ROBO2: variants seen among roughly 807,000 people sequenced by gnomAD.
ROBO2 encodes the protein roundabout guidance receptor 2.
A neutral mutation model predicts 160.8 loss-of-function variants in ROBO2; 53 were observed. The ratio of observed to expected loss-of-function variants is 0.33; its 90% CI spans 0.26 to 0.41. The LOEUF (loss-of-function observed/expected upper bound fraction) is 0.41. Among genes scored for constraint, ROBO2 ranks in the 10% least tolerant of loss-of-function variants. ROBO2 has a pLI of 1.00. For synonymous variants in ROBO2, 664 were observed against 611.7 expected (o/e 1.09, Z -1.26); for missense variants, 1,577 against 1,722.4 (o/e 0.92, Z 1.49).
At chr3:77,588,987 A>G in intron 17 of ROBO2, 54 bp downstream of exon 18, 2 of 1,591,898 alleles carry the variant, frequency 1.3e-6, no homozygotes, top group South Asian at 1.1e-5. Flanking sequence ...ATGTAATGAA[A>G]TGAATGGAAG....
intron 2 of ROBO2, among the ~76,000 whole-genome samples, chr3:76,868,407 C>G (rs1353135161): frequency 6.6e-6 from 1 of 152,134 alleles, no homozygotes; most frequent in Non-Finnish European, 1.5e-5. Context: ...CACAGATTGT[C>G]TCTTTGGGGA....
At chr3:77,098,646 G>A (rs556760346) in intron 2 of ROBO2, among the ~76,000 whole-genome samples, 3 of 151,994 alleles carry the variant, frequency 2.0e-5, no homozygotes, top group African/African-American at 7.2e-5. Flanking sequence ...AGGAGATCGA[G>A]ACCATCCTGG....
At chr3:77,418,658 G>A (rs2077457724) in intron 2 of ROBO2, among the ~76,000 whole-genome samples, 1 of 152,076 alleles carries the variant, frequency 6.6e-6, no homozygotes, top group Non-Finnish European at 1.5e-5. Context: ...TTTACTAGGA[G>A]TTATGAGATG....
intron 2 of ROBO2, among the ~76,000 whole-genome samples, chr3:76,430,975 A>C (rs992337350): frequency 2.0e-5 from 3 of 152,096 alleles, no homozygotes; most frequent in Non-Finnish European, 2.9e-5. Context: ...AAGTTTTCTC[A>C]AACTAATAAA....
At chr3:76,509,678 G>C (rs2080980339) in intron 2 of ROBO2, among the ~76,000 whole-genome samples, 1 of 152,174 alleles carries the variant, frequency 6.6e-6, no homozygotes, top group South Asian at 2.1e-4. Flanking sequence ...GCTCCACGAA[G>C]CTGTGAGTGC....
chr3:76,346,840 T>C (rs112811382), intron 2 of ROBO2, among the ~76,000 whole-genome samples: 4,673 of 152,226 alleles, frequency 0.031, 189 homozygotes, highest in African/African-American at 0.087. Flanking sequence ...GAAAGCAAAA[T>C]AAATTACTCT....
intron 2 of ROBO2, among the ~76,000 whole-genome samples, chr3:76,023,167 ATT>A (rs2066625138): frequency 6.6e-6 from 1 of 151,566 alleles, no homozygotes; most frequent in African/African-American, 2.4e-5. Flanking sequence ...AGTTGCTTTG[ATT>A]TTCTATCCAG....
chr3:76,967,193 T>A (rs570402829), intron 2 of ROBO2, among the ~76,000 whole-genome samples: 2 of 152,112 alleles, frequency 1.3e-5, no homozygotes, highest in East Asian at 3.9e-4. Flanking sequence ...CAAGCTGATG[T>A]TGAGTACTTT....
intron 2 of ROBO2, among the ~76,000 whole-genome samples, chr3:76,388,787 T>G (rs531729437): frequency 6.6e-6 from 1 of 152,164 alleles, no homozygotes; most frequent in Non-Finnish European, 1.5e-5. Context: ...CATTCATCTT[T>G]CCATCTATCC....
intron 2 of ROBO2, among the ~76,000 whole-genome samples, chr3:77,275,255 G>T (rs1278281807): frequency 6.6e-6 from 1 of 152,112 alleles, no homozygotes; most frequent in Non-Finnish European, 1.5e-5. Context: ...GTTTTGAGGA[G>T]ATACTATGTG....
intron 4 of ROBO2, among the ~76,000 whole-genome samples, chr3:77,490,152 G>T (rs1401446492): frequency 6.8e-6 from 1 of 147,812 alleles, no homozygotes; most frequent in Non-Finnish European, 1.5e-5. Flanking sequence ...CCAGGCTGGA[G>T]TGCAGGGGCC....
chr3:76,820,070 G>T (rs1180628941), intron 2 of ROBO2, among the ~76,000 whole-genome samples: 3 of 152,010 alleles, frequency 2.0e-5, no homozygotes, highest in East Asian at 1.9e-4. Flanking sequence ...TTCAATCCTG[G>T]TTCAATATCG....
rs116134948 is a variant in ROBO2 at position 76,785,716 on chromosome 3, T to A, written c.110-312298T>A. On this transcript the variant is annotated intron_variant, in intron 2 of 26. Coordinates refer to the ROBO2 transcript ENST00000487694. ...ATATGACACTATCCATATTCATAAT[T>A]TTCACTCCTCCCCCTTGCCACTGCC... Among the ~76,000 whole-genome samples the A allele has an allele frequency of 6.0e-3, 904 of 151,366 alleles. 14 individuals carry two copies. Among genetic ancestry groups the A allele is most frequent in the African/African-American group, 0.021 (850 of 41,438 alleles).
At chr3:76,901,927 G>C (rs1160706992) in intron 2 of ROBO2, among the ~76,000 whole-genome samples, 1 of 151,334 alleles carries the variant, frequency 6.6e-6, no homozygotes, top group Non-Finnish European at 1.5e-5. Flanking sequence ...CACACCTAAG[G>C]GTACCCATGT....
chr3:76,933,610 C>T (rs2077494076), intron 2 of ROBO2, among the ~76,000 whole-genome samples: 1 of 152,160 alleles, frequency 6.6e-6, no homozygotes, highest in South Asian at 2.1e-4. Context: ...TGCGTTGTAG[C>T]TATGATTTCA....
At chr3:76,154,904 A>C (rs1047136960) in intron 2 of ROBO2, among the ~76,000 whole-genome samples, 2 of 152,172 alleles carry the variant, frequency 1.3e-5, no homozygotes, top group Admixed American at 6.6e-5. Context: ...TTTCTGGACA[A>C]ATATATATTG....
At chr3:77,040,743 G>A (rs899247830) in exon 1 of ROBO2, 1 of 1,613,680 alleles carries the variant, frequency 6.2e-7, no homozygotes. Flanking sequence ...TGCTCTCTGG[G>A]ATTGGTTTCT....
intron 2 of ROBO2, among the ~76,000 whole-genome samples, chr3:77,116,357 A>G (rs2074199741): frequency 6.6e-6 from 1 of 152,182 alleles, no homozygotes; most frequent in South Asian, 2.1e-4. Context: ...GTAACTGTTC[A>G]TATTCAGCAA....
intron 2 of ROBO2, among the ~76,000 whole-genome samples, chr3:76,175,317 T>C (rs1415849394): frequency 6.6e-6 from 1 of 151,958 alleles, no homozygotes; most frequent in African/African-American, 2.4e-5. Context: ...ACAGATGACA[T>C]GATTGCAATT....
Sources: allele counts gnomAD v4.1 joint callset (sites outside exome capture counted in the v4.1 genomes callset), GRCh38; gene constraint gnomAD v4.1.1; transcripts MANE v1.5; gene names NCBI Gene and HGNC (gene_info 2026-07-23, HGNC 2026-07-21).